The following NME7 variants were observed in gnomAD, a reference collection of about 807,000 sequenced individuals.
The protein encoded by NME7 is NME/NM23 family member 7.
In NME7, 41 loss-of-function variants were observed where a neutral mutation model predicts 49.1. The observed-to-expected ratio is 0.83, with a 90% CI of 0.65 to 1.08. NME7 has a LOEUF of 1.08. NME7 is among the 50% of genes least tolerant of loss of function. The pLI, the probability that NME7 is intolerant of heterozygous loss-of-function variation, is 0.00. For missense variants in NME7, 423 were observed against 463.4 expected (o/e 0.91, Z 0.80); for synonymous variants, 139 against 150.6 (o/e 0.92, Z 0.56).
intron 11 of NME7, among the ~76,000 whole-genome samples, chr1:169,157,666 G>T (rs1248408408): frequency 6.6e-6 from 1 of 152,204 alleles, no homozygotes; most frequent in African/African-American, 2.4e-5. Context: ...CGTTGGAAGT[G>T]TAACAACCCT....
At chr1:169,228,663 G>T (rs1312794642) in intron 10 of NME7, among the ~76,000 whole-genome samples, 1 of 130,984 alleles carries the variant, frequency 7.6e-6, no homozygotes, top group Non-Finnish European at 1.5e-5. Flanking sequence ...CGGCCTGGGC[G>T]ACAGAGCGAG....
At chr1:169,318,503 C>T (rs1456994980) in intron 3 of NME7, among the ~76,000 whole-genome samples, 1 of 152,170 alleles carries the variant, frequency 6.6e-6, no homozygotes, top group Non-Finnish European at 1.5e-5. Flanking sequence ...AACTCAAGGA[C>T]AGCCACCAAT....
intron 10 of NME7, among the ~76,000 whole-genome samples, chr1:169,228,634 G>A (rs1372410828): frequency 2.0e-3 from 289 of 142,140 alleles, no homozygotes; most frequent in Middle Eastern, 3.9e-3. Flanking sequence ...CCGAGATTGC[G>A]CCACTGCAGT....
intron 11 of NME7, among the ~76,000 whole-genome samples, chr1:169,165,356 T>C (rs1330890251): frequency 6.6e-6 from 1 of 152,108 alleles, no homozygotes; most frequent in African/African-American, 2.4e-5. Context: ...AAATATAAAC[T>C]GAAGCCATAC....
chr1:169,298,575 G>C lies in NME7; in HGVS notation c.629C>G (p.Ser210Cys). The stretch of plus-strand genomic sequence containing the variant: ...CCTTACTCTGGCCGCAGAAGCAAAA[G>C]AATCAGGGCCATGCGCTGCATTTCT... ...GIRNAAHGPD[S>C]FASAAREMEL... Residue 210 changes from serine to cysteine, a missense_variant, in exon 6 of 12, where the codon TCT becomes TGT. By Grantham distance (112) the Ser-to-Cys change is moderately radical. Coordinates refer to ENST00000367811, the MANE Select transcript of NME7 (RefSeq NM_013330.5). 1 of 1,613,814 alleles carries C rather than the reference G, an allele frequency of 6.2e-7. No homozygotes were observed. Among genetic ancestry groups the C allele is most frequent in the East Asian group, 2.2e-5 (1 of 44,870 alleles).
chr1:169,253,464 T>C (rs1442950814), intron 7 of NME7, among the ~76,000 whole-genome samples: 4 of 151,988 alleles, frequency 2.6e-5, no homozygotes, highest in Non-Finnish European at 4.4e-5. Flanking sequence ...GATTTTGGGC[T>C]GAGACAATGG....
chr1:169,203,711 T>C (rs1161831611), intron 10 of NME7, among the ~76,000 whole-genome samples: 6 of 152,114 alleles, frequency 3.9e-5, no homozygotes, highest in Non-Finnish European at 7.4e-5. Flanking sequence ...CAATGGTTTA[T>C]ATGGTTGATA....
intron 10 of NME7, among the ~76,000 whole-genome samples, chr1:169,173,002 A>G (rs1157247935): frequency 6.6e-6 from 1 of 152,192 alleles, no homozygotes; most frequent in Non-Finnish European, 1.5e-5. Context: ...TTTGGTAAAT[A>G]TTTGTTGACT....
Position 169,257,649 on chromosome 1 carries a change from G to T in NME7, c.755-19962C>A, listed in dbSNP as rs372909393. 2.2e-5 allele frequency among the ~76,000 whole-genome samples: 3 copies of T among 133,910 alleles called. 1 individual carries two copies. The South Asian group carries it at 6.8e-4, about 30-fold the overall frequency. 87.9% of individuals were successfully genotyped at this position (133,910 alleles called of 152,430 possible). A position where few individuals can be genotyped will look rare whatever the true frequency, so the allele number is the denominator to read the frequency against. On this transcript the variant is annotated intron_variant, in intron 7 of 11. Coordinates refer to ENST00000367811, the MANE Select transcript of NME7 (RefSeq NM_013330.5). ...CCCATTAGTTTTATGCTTTCAAGAG[G>T]TTCTATTCTGGTTCATAATTGCCTT...
chr1:169,294,799 A>G (rs12058325), intron 6 of NME7, among the ~76,000 whole-genome samples: 6,588 of 152,298 alleles, frequency 0.043, 208 homozygotes, highest in East Asian at 0.12. Flanking sequence ...AATATGTTTA[A>G]GACATTTCTT....
chr1:169,167,663 G>C (rs1203017372), intron 11 of NME7, among the ~76,000 whole-genome samples: 1 of 152,084 alleles, frequency 6.6e-6, no homozygotes, highest in African/African-American at 2.4e-5. Context: ...TAAAAGATGA[G>C]AGATCAAATA....
At chr1:169,175,769 T>C (rs761607588) in intron 10 of NME7, among the ~76,000 whole-genome samples, 4 of 152,120 alleles carry the variant, frequency 2.6e-5, no homozygotes, top group African/African-American at 4.8e-5. Context: ...AGGATAACTA[T>C]GTTAGCAGTG....
At chr1:169,244,838 A>G (rs894940941) in intron 7 of NME7, among the ~76,000 whole-genome samples, 3 of 151,264 alleles carry the variant, frequency 2.0e-5, no homozygotes, top group Non-Finnish European at 3.0e-5. Flanking sequence ...TGATATCACA[A>G]TATCTACCAC....
intron 10 of NME7, among the ~76,000 whole-genome samples, chr1:169,198,164 A>C (rs1027110683): frequency 1.3e-5 from 2 of 152,092 alleles, no homozygotes; most frequent in African/African-American, 4.8e-5. Context: ...ACATCACTTC[A>C]CACCCACTGA....
At chr1:169,291,509 G>C (rs572361206) in intron 6 of NME7, among the ~76,000 whole-genome samples, 7 of 152,146 alleles carry the variant, frequency 4.6e-5, no homozygotes, top group African/African-American at 1.7e-4. Context: ...TTGCGGGGTG[G>C]GGGGCTAGGG....
intron 1 of NME7, among the ~76,000 whole-genome samples, chr1:169,325,190 A>T (rs772338849): frequency 7.2e-5 from 11 of 152,166 alleles, no homozygotes; most frequent in Non-Finnish European, 1.5e-4. Context: ...GAGAGATGCA[A>T]GGAAGGTTAA....
Position 169,303,244 on chromosome 1 carries a change from CTTA to C in NME7, c.390-52_390-50del, listed in dbSNP as rs771136954. ...TAGTTAAGAATTATAAAATTAAACACTTATTATTTTAGCTTACATTAATAAAAT... is the reference window on the plus strand; with the variant it reads ...TAGTTAAGAATTATAAAATTAAACACTTATTTTAGCTTACATTAATAAAAT... On this transcript the variant is annotated intron_variant, in intron 4 of 11. Transcript: ENST00000367811. 1.4e-5 allele frequency: 14 copies of C among 975,660 alleles called. No individual in the cohort carries two copies. The Admixed American group carries it at 2.4e-4, about 17-fold the overall frequency. The allele number at this position is 975,660 out of a possible 1,614,324, so 60.4% of individuals were successfully genotyped here.
In NME7 at chr1:169,273,098, G is replaced by A. The variant is rs1168042874; in HGVS notation, c.754+14205C>T. 2.2e-5 allele frequency among the ~76,000 whole-genome samples: 3 copies of A among 133,360 alleles called. 1 individual carries two copies. The highest frequency in any genetic ancestry group is 7.6e-5 in the African/African-American group (3 of 39,462). The allele number at this position is 133,360 out of a possible 152,430, so 87.5% of individuals were successfully genotyped here. A position where few individuals can be genotyped will look rare whatever the true frequency, so the allele number is the denominator to read the frequency against. Reference sequence around the variant, plus strand: ...TTATACTTTAAGTTCTAAGTTACATGTGCAGAATGTGCAGTTTTGTTACAT... The same window carrying A: ...TTATACTTTAAGTTCTAAGTTACATATGCAGAATGTGCAGTTTTGTTACAT... On this transcript the variant is annotated intron_variant, in intron 7 of 11. Coordinates refer to ENST00000367811, the MANE Select transcript of NME7 (RefSeq NM_013330.5).
At chr1:169,146,408 G>A (rs913244429) in intron 11 of NME7, among the ~76,000 whole-genome samples, 1 of 152,128 alleles carries the variant, frequency 6.6e-6, no homozygotes, top group African/African-American at 2.4e-5. Flanking sequence ...AATAATTACA[G>A]ATAAACTCAC....
Sources: allele counts gnomAD v4.1 joint callset (sites outside exome capture counted in the v4.1 genomes callset), GRCh38; gene constraint gnomAD v4.1.1; transcripts MANE v1.5; gene names NCBI Gene and HGNC (gene_info 2026-07-23, HGNC 2026-07-21).